Variants in PCLO observed in about 807,000 individuals in gnomAD.
PCLO encodes protein piccolo.
A neutral mutation model predicts 427.5 loss-of-function variants in PCLO; 82 were observed. The observed-to-expected ratio is 0.19, with a 90% CI of 0.16 to 0.23. PCLO has a LOEUF of 0.23. PCLO is among the 10% of genes least tolerant of loss of function. The pLI is 1.00. For synonymous variants in PCLO, 2,357 were observed against 2,155.4 expected (o/e 1.09, Z -2.59); for missense variants, 6,239 against 6,115.9 (o/e 1.02, Z -0.67).
intron 10 of PCLO, among the ~76,000 whole-genome samples, chr7:82,857,903 T>G (rs1355800708): frequency 6.6e-6 from 1 of 152,142 alleles, no homozygotes; most frequent in African/African-American, 2.4e-5. Context: ...TCAATTGTTA[T>G]GTATAAAAAT....
intron 6 of PCLO, among the ~76,000 whole-genome samples, chr7:82,917,496 A>G (rs1355949085): frequency 6.6e-6 from 1 of 152,108 alleles, no homozygotes; most frequent in Non-Finnish European, 1.5e-5. Flanking sequence ...CTTTTAAAAA[A>G]TCAGATAAAA....
intron 3 of PCLO, among the ~76,000 whole-genome samples, chr7:83,087,068 T>C (rs1284331508): frequency 4.5e-5 from 4 of 89,390 alleles, no homozygotes; most frequent in African/African-American, 1.4e-4. Context: ...GGGCCTGTCA[T>C]AGGGTGGGGG....
chr7:83,027,964 A>C (rs1274747028), intron 3 of PCLO, among the ~76,000 whole-genome samples: 2 of 136,976 alleles, frequency 1.5e-5, no homozygotes, highest in Non-Finnish European at 3.2e-5. Flanking sequence ...TTTCAAAATA[A>C]TAAGAGCTAT....
At position 82,912,009 on chromosome 7, in the gene PCLO, T is replaced by C. The variant is rs560343057; in HGVS notation, c.13300+2677A>G. 1.6e-3 allele frequency among the ~76,000 whole-genome samples: 242 copies of C among 152,266 alleles called. 2 individuals carry two copies. Among genetic ancestry groups the C allele is most frequent in the Non-Finnish European group, 4.4e-4 (30 of 68,012 alleles). ...ATAGACTTTTCCTCAAGAAAGATAT[T>C]TCAACATCAACAAATCTTTTAGAAT... On this transcript the variant is annotated intron_variant, in intron 7 of 24. Coordinates refer to ENST00000333891, the MANE Select transcript of PCLO (RefSeq NM_033026.6).
intron 3 of PCLO, among the ~76,000 whole-genome samples, chr7:83,024,655 A>G (rs988195103): frequency 1.4e-4 from 21 of 152,330 alleles, no homozygotes; most frequent in South Asian, 4.1e-4. Flanking sequence ...TGGGGGCAGG[A>G]CACAGACAAA....
intron 22 of PCLO, among the ~76,000 whole-genome samples, chr7:82,796,888 T>C (rs1260205874): frequency 6.6e-6 from 1 of 150,688 alleles, no homozygotes; most frequent in Non-Finnish European, 1.5e-5. Context: ...AGTTTTAATA[T>C]AGTGTTTTGC....
chr7:83,056,002 A>T (rs1789370208), intron 3 of PCLO, among the ~76,000 whole-genome samples: 1 of 152,076 alleles, frequency 6.6e-6, no homozygotes, highest in East Asian at 1.9e-4. Flanking sequence ...GTGCAACCTA[A>T]TTTTTTATTT....
chr7:82,955,865 C>T lies in PCLO; in HGVS notation c.5088G>A (p.Glu1696=), dbSNP rs1795501832. Reference sequence around the variant, plus strand: ...TCAGGCTTTCCATTTCCAATTCTGGCTCTTCGTCAAAATACAAACTTGTTT... The same window carrying T: ...TCAGGCTTTCCATTTCCAATTCTGGTTCTTCGTCAAAATACAAACTTGTTT... The part of the protein sequence containing the change: ...QKKTSLYFDE[E]PELEMESLTD... The change falls in exon 5 of 25, where the codon GAG becomes GAA. Residue 1696 remains glutamate, a synonymous_variant. Transcript: ENST00000333891. 5 of 1,613,780 alleles carry T rather than the reference C, an allele frequency of 3.1e-6. No individual in the cohort carries two copies. Among genetic ancestry groups the T allele is most frequent in the South Asian group, 2.2e-5 (2 of 91,090 alleles).
At chr7:82,831,390 G>T (rs939501001) in intron 16 of PCLO, among the ~76,000 whole-genome samples, 3 of 151,958 alleles carry the variant, frequency 2.0e-5, no homozygotes, top group African/African-American at 7.2e-5. Context: ...TATCTAGTTT[G>T]TCTTCTTTAT....
At chr7:83,068,396 C>G (rs2116342188) in intron 3 of PCLO, among the ~76,000 whole-genome samples, 1 of 151,980 alleles carries the variant, frequency 6.6e-6, no homozygotes, top group South Asian at 2.1e-4. Flanking sequence ...ACGGAACTCA[C>G]ACAACAAAAT....
intron 3 of PCLO, among the ~76,000 whole-genome samples, chr7:82,979,408 T>C (rs1325303635): frequency 6.6e-6 from 1 of 152,166 alleles, no homozygotes; most frequent in Non-Finnish European, 1.5e-5. Flanking sequence ...TAGAAGAATA[T>C]TGTAAATACA....
chr7:83,092,472 A>C (rs1210636807), intron 3 of PCLO, among the ~76,000 whole-genome samples: 6 of 152,154 alleles, frequency 3.9e-5, no homozygotes, highest in Non-Finnish European at 5.9e-5. Flanking sequence ...CTACTTTTCT[A>C]CTTAGCTGGG....
At chr7:83,051,994 TG>T (rs1359899484) in intron 3 of PCLO, among the ~76,000 whole-genome samples, 1 of 151,866 alleles carries the variant, frequency 6.6e-6, no homozygotes. Context: ...TGCAAAAAAA[TG>T]AATCTAGACT....
intron 3 of PCLO, among the ~76,000 whole-genome samples, chr7:83,000,285 GAGAGAGA>G (rs1787786718): frequency 6.6e-6 from 1 of 150,952 alleles, no homozygotes; most frequent in Non-Finnish European, 1.5e-5. Context: ...GAGAGAGAGA[GAGAGAGA>G]GAGAGAGAGA....
chr7:82,965,621 A>G, intron 4 of PCLO, 150 bp downstream of exon 4: 1 of 566,040 alleles, frequency 1.8e-6, no homozygotes, highest in Non-Finnish European at 3.1e-6. Flanking sequence ...TCTTCATTAT[A>G]GTCAAACAAG....
chr7:82,832,800 TACACACACACACACACACACACACAC>T (rs10645073), intron 16 of PCLO, among the ~76,000 whole-genome samples: 1 of 140,614 alleles, frequency 7.1e-6, no homozygotes, highest in African/African-American at 2.7e-5. Context: ...CTAAACTTAC[TACACACACACACACACACACACACAC>T]ACACACACAC....
chr7:83,002,169 A>C (rs1787839908), intron 3 of PCLO, among the ~76,000 whole-genome samples: 1 of 151,780 alleles, frequency 6.6e-6, no homozygotes, highest in Admixed American at 6.6e-5. Flanking sequence ...TGGATCTCTA[A>C]TTGGACATAT....
chr7:83,001,236 T>C (rs990667399), intron 3 of PCLO, among the ~76,000 whole-genome samples: 1 of 151,974 alleles, frequency 6.6e-6, no homozygotes, highest in Non-Finnish European at 1.5e-5. Context: ...GTCAGTGGAA[T>C]GGCAGGTAAA....
At chr7:82,786,672 TGG>T (rs1262701429) in intron 22 of PCLO, among the ~76,000 whole-genome samples, 1 of 152,112 alleles carries the variant, frequency 6.6e-6, no homozygotes, top group Non-Finnish European at 1.5e-5. Context: ...ACACGTGCCA[TGG>T]TGGTTTGCTG....
Sources: gnomAD v4.1 joint callset for allele counts (sites outside exome capture counted in the v4.1 genomes callset) on GRCh38, gnomAD v4.1.1 for gene constraint, MANE v1.5 for transcripts, NCBI Gene and HGNC (gene_info 2026-07-23, HGNC 2026-07-21) for gene names.